Variants in PPARA observed in about 807,000 individuals in gnomAD.
PPARA encodes peroxisome proliferator-activated receptor alpha.
PPARA carries 22 observed loss-of-function variants against 42.2 expected under a neutral mutation model. The ratio of observed to expected loss-of-function variants is 0.52; its 90% CI spans 0.37 to 0.74. The LOEUF (loss-of-function observed/expected upper bound fraction) is 0.74. PPARA is among the 30% of genes least tolerant of loss of function. PPARA has a pLI of 0.00. For missense variants in PPARA, 465 were observed against 608.2 expected (o/e 0.76, Z 2.48); for synonymous variants, 242 against 239.3 (o/e 1.01, Z -0.10).
In PPARA at chr22:46,187,348, G is replaced by A. The variant is rs987253000; in HGVS notation, c.-43+10512G>A. On this transcript the variant is annotated intron_variant, in intron 3 of 8. Coordinates refer to ENST00000407236, the MANE Select transcript of PPARA (RefSeq NM_005036.6). This position sits in a 1 kb window ranked among gnomAD's most constrained non-coding sequence, Gnocchi z 4.9. ...TCCTTGTCTTTATATTCCAAATTTCGTGGGTGCCACCTCCTCTGCCCAGTG... is the reference window on the plus strand; with the variant it reads ...TCCTTGTCTTTATATTCCAAATTTCATGGGTGCCACCTCCTCTGCCCAGTG... 3.9e-5 allele frequency among the ~76,000 whole-genome samples: 6 copies of A among 152,160 alleles called. No individual in the cohort carries two copies. The East Asian group carries it at 7.7e-4, about 20-fold the overall frequency.
Position 46,218,342 on chromosome 22 carries a change from G to C in PPARA, c.449G>C (p.Arg150Thr). The part of the protein sequence containing the change: ...DRSCKIQKKN[R>T]NKCQYCRFHK... ...AGCTGCAAGATCCAGAAAAAGAACA[G>C]AAACAAATGCCAGTATTGTCGATTT... is the stretch of plus-strand genomic sequence containing the variant. Residue 150 changes from arginine (R) to threonine (T), a missense_variant, in exon 6 of 9, where the codon AGA becomes ACA. Arg to Thr is a moderately conservative substitution (Grantham distance 71). Transcript: ENST00000407236. The C allele has an allele frequency of 6.2e-7, 1 of 1,614,140 alleles. No homozygotes were observed. Among genetic ancestry groups the C allele is most frequent in the South Asian group, 1.1e-5 (1 of 91,074 alleles).
At chr22:46,177,334 T>C (rs1330534996) in intron 3 of PPARA, among the ~76,000 whole-genome samples, 1 of 151,972 alleles carries the variant, frequency 6.6e-6, no homozygotes, top group Non-Finnish European at 1.5e-5. Context: ...GATGACAATA[T>C]TTGGTATAAA....
chr22:46,199,542 G>A (rs1326748980), intron 4 of PPARA, among the ~76,000 whole-genome samples: 1 of 152,148 alleles, frequency 6.6e-6, no homozygotes, highest in African/African-American at 2.4e-5. Flanking sequence ...TACTCAGGAT[G>A]CTGAGGGAGG....
chr22:46,198,527 C>T lies in PPARA; in HGVS notation c.144C>T (p.Ser48=). Residue 48 remains serine (S), a synonymous_variant, in exon 4 of 9, where the codon AGC becomes AGT. Transcript: ENST00000407236. ...SQSIGEDSSG[S]FGFTEYQYLG... ...CCATCGGCGAGGATAGTTCTGGAAG[C>T]TTTGGCTTTACGGAATACCAGTATT... 1.9e-6 allele frequency: 3 copies of T among 1,614,110 alleles called. No homozygotes were observed. The highest frequency in any genetic ancestry group is 2.2e-5 in the South Asian group (2 of 91,080).
rs983034431 is a variant in PPARA at position 46,233,047 on chromosome 22, A to G, written c.1159+808A>G. ...ACACATTTCGTTTATATTATATCTA[A>G]TATTATAAACAGATATAATTTATAT... On this transcript the variant is annotated intron_variant, in intron 8 of 8. Coordinates refer to ENST00000407236, the MANE Select transcript of PPARA (RefSeq NM_005036.6). The surrounding 1 kb of genome is among the most constrained non-coding windows in gnomAD (Gnocchi z 7.3). Among the ~76,000 whole-genome samples, 2 of 150,788 alleles carry G rather than the reference A, an allele frequency of 1.3e-5. No individual in the cohort carries two copies. Among genetic ancestry groups the G allele is most frequent in the South Asian group, 4.1e-4 (2 of 4,820 alleles).
In PPARA at chr22:46,216,471, T is replaced by C. The variant is rs1175429783; in HGVS notation, c.369+1138T>C. On this transcript the variant is annotated intron_variant, in intron 5 of 8. Transcript: ENST00000407236. The surrounding 1 kb of genome is among the most constrained non-coding windows in gnomAD (Gnocchi z 4.5). ...CAAGACAGAGAGCTGTTACCGTTGA[T>C]CTCTGGAGCCTCCCTGAAGGCCAGG... Among the ~76,000 whole-genome samples the C allele has an allele frequency of 2.6e-5, 4 of 152,026 alleles. No homozygotes were observed. The East Asian group carries it at 7.7e-4, about 29-fold the overall frequency.
rs1265974987 is a variant in PPARA, at chr22:46,196,669, G to C, written c.-42-1673G>C. On this transcript the variant is annotated intron_variant, in intron 3 of 8. Transcript: ENST00000407236. This position sits in a 1 kb window ranked among gnomAD's most constrained non-coding sequence, Gnocchi z 5.6. ...GCATTCATTTCGTTGTTCACCATCT[G>C]TGTCCCAGTTACAAGGGAGGCTCCC... Among the ~76,000 whole-genome samples the C allele has an allele frequency of 6.6e-6, 1 of 152,176 alleles. No homozygotes were observed. The highest frequency in any genetic ancestry group is 1.5e-5 in the Non-Finnish European group (1 of 68,034).
In PPARA at chr22:46,163,082, G is replaced by A. The variant is rs1926460177; in HGVS notation, c.-127+11112G>A. 6.6e-6 allele frequency among the ~76,000 whole-genome samples: 1 copy of A among 152,216 alleles called. No individual in the cohort carries two copies. The highest frequency in any genetic ancestry group is 2.4e-5 in the African/African-American group (1 of 41,470). ...CACGGAGGGAAACTGAGAGCAGCCT[G>A]CAGAGGGGAAAGAGCGGGGACAGAG... On this transcript the variant is annotated intron_variant, in intron 2 of 8. Transcript: ENST00000407236. The surrounding 1 kb of genome is among the most constrained non-coding windows in gnomAD (Gnocchi z 4.9).
rs1386563299 is a variant in PPARA, at chr22:46,234,545, C to T, written c.1160-588C>T. On this transcript the variant is annotated intron_variant, in intron 8 of 8. Transcript: ENST00000407236. This position sits in a 1 kb window ranked among gnomAD's most constrained non-coding sequence, Gnocchi z 5.8. ...CCAAGTCTCAGACCTGCCCCACCCT[C>T]CTCCCCACTCTGGGTCTCCTGATCT... 6.6e-6 allele frequency among the ~76,000 whole-genome samples: 1 copy of T among 152,116 alleles called. No homozygotes were observed. Among genetic ancestry groups the T allele is most frequent in the Non-Finnish European group, 1.5e-5 (1 of 68,030 alleles).
chr22:46,186,219 C>T (rs368542264), intron 3 of PPARA, among the ~76,000 whole-genome samples: 2 of 151,874 alleles, frequency 1.3e-5, no homozygotes, highest in Non-Finnish European at 2.9e-5. Flanking sequence ...ATTTGCAGCA[C>T]ACTGCATCAT....
rs548675947 is a variant in PPARA, at chr22:46,204,970, A to G, written c.208+6379A>G. On this transcript the variant is annotated intron_variant, in intron 4 of 8. Transcript: ENST00000407236. The surrounding 1 kb of genome is among the most constrained non-coding windows in gnomAD (Gnocchi z 5.2). ...GCAGCCTTGACCTCTTGGGCTCAGG[A>G]AACCCTCCGACCTCAGCCTCCCAAG... Among the ~76,000 whole-genome samples, 1 of 151,938 alleles carries G rather than the reference A, an allele frequency of 6.6e-6. No individual in the cohort carries two copies. The highest frequency in any genetic ancestry group is 2.4e-5 in the African/African-American group (1 of 41,452).
Position 46,215,177 on chromosome 22 carries a change from G to T in PPARA, c.213G>T (p.Thr71=). The T allele has an allele frequency of 1.2e-6, 2 of 1,613,810 alleles. No individual in the cohort carries two copies. Among genetic ancestry groups the T allele is most frequent in the Admixed American group, 1.7e-5 (1 of 59,994 alleles). ...PGSDGSVITD[T]LSPASSPSSV... is the part of the protein sequence containing the mutation. ...GTCTCTCCTCTTTTTCCCCAGACAC[G>T]CTTTCACCAGCTTCGAGCCCCTCCT... Residue 71 remains threonine (T), a synonymous_variant, in exon 5 of 9, where the codon ACG becomes ACT. Coordinates refer to ENST00000407236, the MANE Select transcript of PPARA (RefSeq NM_005036.6).
At chr22:46,172,318 T>TAAAAAAAAAAAA (rs35328780) in intron 2 of PPARA, among the ~76,000 whole-genome samples, 3 of 119,580 alleles carry the variant, frequency 2.5e-5, no homozygotes, top group African/African-American at 9.1e-5. Flanking sequence ...TGCAAGTAAT[T>TAAAAAAAAAAAA]AAAAAAAAAA....
rs1931671454 is a variant in PPARA at position 46,192,305 on chromosome 22, T to G, written c.-42-6037T>G. On this transcript the variant is annotated intron_variant, in intron 3 of 8. Transcript: ENST00000407236. This position sits in a 1 kb window ranked among gnomAD's most constrained non-coding sequence, Gnocchi z 4.3. ...TGGGTTTCATGAAGGAAGAGCTTCT[T>G]CTCCCATTTATAACTCATTTTAGCC... Among the ~76,000 whole-genome samples the G allele has an allele frequency of 6.6e-6, 1 of 152,214 alleles. No individual in the cohort carries two copies. Among genetic ancestry groups the G allele is most frequent in the Non-Finnish European group, 1.5e-5 (1 of 68,034 alleles).
chr22:46,185,385 A>T (rs2030500884), intron 3 of PPARA, among the ~76,000 whole-genome samples: 1 of 152,044 alleles, frequency 6.6e-6, no homozygotes, highest in South Asian at 2.1e-4. Context: ...AGTGTCTCCC[A>T]TTTCTCATAA....
rs1232597779 is a variant in PPARA at position 46,216,628 on chromosome 22, T to G, written c.369+1295T>G. ...CTGGCTGCTCCTGCTCCCCAGCAGT[T>G]CCTTCCTGCACATCAGGGGCTTCTC... On this transcript the variant is annotated intron_variant, in intron 5 of 8. Transcript: ENST00000407236. The surrounding 1 kb of genome is among the most constrained non-coding windows in gnomAD (Gnocchi z 4.5). Among the ~76,000 whole-genome samples the G allele has an allele frequency of 6.6e-6, 1 of 152,156 alleles. No homozygotes were observed. Among genetic ancestry groups the G allele is most frequent in the Non-Finnish European group, 1.5e-5 (1 of 68,024 alleles).
Position 46,219,654 on chromosome 22 carries a change from T to TC in PPARA, c.509-157dup, listed in dbSNP as rs1830896512. ...GTGTATGGAGTTTGAGTTTTTCATC[T>TC]CTCCATAGTGGAAAGCCGAATAGTA... On this transcript the variant is annotated intron_variant, in intron 6 of 8. Coordinates refer to ENST00000407236, the MANE Select transcript of PPARA (RefSeq NM_005036.6). This position sits in a 1 kb window ranked among gnomAD's most constrained non-coding sequence, Gnocchi z 4.8. Among the ~76,000 whole-genome samples the TC allele has an allele frequency of 6.6e-6, 1 of 152,122 alleles. No homozygotes were observed. The highest frequency in any genetic ancestry group is 2.4e-5 in the African/African-American group (1 of 41,404).
rs142150973 is a variant in PPARA, at chr22:46,215,209, C to T, written c.245C>T (p.Thr82Ile). Reference protein sequence around the residue: ...LSPASSPSSVTYPVVPGSVDE... With the variant: ...LSPASSPSSVIYPVVPGSVDE... Reference sequence around the variant, plus strand: ...CCAGCTTCGAGCCCCTCCTCGGTGACTTATCCTGTGGTCCCCGGCAGCGTG... The same window carrying T: ...CCAGCTTCGAGCCCCTCCTCGGTGATTTATCCTGTGGTCCCCGGCAGCGTG... Residue 82 changes from threonine to isoleucine, a missense_variant, in exon 5 of 9, where the codon ACT becomes ATT. Coordinates refer to ENST00000407236, the MANE Select transcript of PPARA (RefSeq NM_005036.6). 376 of 1,614,166 alleles carry T rather than the reference C, an allele frequency of 2.3e-4. No individual in the cohort carries two copies. In the African/African-American group the frequency reaches 4.2e-3, roughly 18 times the overall value.
intron 4 of PPARA, among the ~76,000 whole-genome samples, chr22:46,202,642 A>G (rs1179924915): frequency 6.6e-6 from 1 of 152,020 alleles, no homozygotes; most frequent in Non-Finnish European, 1.5e-5. Flanking sequence ...ATTTCTTATG[A>G]TCCAATTAAT....
Sources: gnomAD v4.1 joint callset for allele counts (sites outside exome capture counted in the v4.1 genomes callset) on GRCh38, gnomAD v4.1.1 for gene constraint, Gnocchi (gnomAD v3.1) non-coding constraint, MANE v1.5 for transcripts, NCBI Gene and HGNC (gene_info 2026-07-23, HGNC 2026-07-21) for gene names.